The following DOCK7 variants were observed in gnomAD, a reference collection of about 807,000 sequenced individuals.
The protein encoded by DOCK7 is dedicator of cytokinesis protein 7.
A neutral mutation model predicts 271.0 loss-of-function variants in DOCK7; 138 were observed. That is an observed-to-expected ratio of 0.51 (90% CI 0.44 to 0.59). The LOEUF is 0.59. Ranked by LOEUF, DOCK7 falls within the 20% of genes least tolerant of loss-of-function variation. The probability of loss-of-function intolerance (pLI) is 0.00; values close to 1 mark genes in which losing one functional copy is unlikely to be tolerated. For missense variants in DOCK7, 2,066 were observed against 2,592.4 expected (o/e 0.80, Z 4.41); for synonymous variants, 823 against 876.1 (o/e 0.94, Z 1.07).
chr1:62,465,603 G>C (rs1015105519), intron 48 of DOCK7, among the ~76,000 whole-genome samples: 1 of 152,160 alleles, frequency 6.6e-6, no homozygotes, highest in Non-Finnish European at 1.5e-5. Flanking sequence ...CCAGGCTGCA[G>C]TGCAGTGGCA....
At chr1:62,584,693 G>T in intron 15 of DOCK7, 1 of 1,272,942 alleles carries the variant, frequency 7.9e-7, no homozygotes. Flanking sequence ...AATGTGACAG[G>T]AGTCAAGATA....
At chr1:62,504,891 G>A in intron 36 of DOCK7, 109 bp from the exon 37 acceptor site, 1 of 1,289,572 alleles carries the variant, frequency 7.8e-7, no homozygotes, top group Non-Finnish European at 1.0e-6. Flanking sequence ...GAAATTAAAA[G>A]AATGGTTAGG....
intron 2 of DOCK7, among the ~76,000 whole-genome samples, chr1:62,657,290 C>T (rs1389198843): frequency 6.6e-6 from 1 of 152,170 alleles, no homozygotes. Context: ...GGGAACCCTC[C>T]CTCCTGCTCA....
chr1:62,612,471 C>T (rs1285036492), intron 14 of DOCK7, among the ~76,000 whole-genome samples: 1 of 151,992 alleles, frequency 6.6e-6, no homozygotes, highest in Non-Finnish European at 1.5e-5. Flanking sequence ...GTACAGCAAA[C>T]CACCATGGCA....
At chr1:62,608,556 GA>G (rs1651336397) in intron 14 of DOCK7, 1 of 152,094 alleles carries the variant, frequency 6.6e-6, no homozygotes, top group African/African-American at 2.4e-5. Flanking sequence ...CACTTAGTGA[GA>G]AAATACACAG....
Position 62,648,448 on chromosome 1 carries a change from T to A in DOCK7, c.486A>T (p.Glu162Asp). The change falls in exon 5 of 50, where the codon GAA (glutamate) becomes GAT (aspartate). Residue 162 changes from glutamate (E) to aspartate (D), a missense_variant. Coordinates refer to ENST00000635253, the MANE Select transcript of DOCK7 (RefSeq NM_001367561.1). ...GLPKQVFESD[E>D]APDGNSYQDD... ...CCTGGTAGCTGTTGCCATCTGGAGC[T>A]TCATCAGATTCAAAAACTTGTTTTG... is the stretch of plus-strand genomic sequence containing the variant. The A allele has an allele frequency of 1.9e-6, 3 of 1,550,396 alleles. No individual in the cohort carries two copies. The highest frequency in any genetic ancestry group is 2.6e-6 in the Non-Finnish European group (3 of 1,146,716).
Position 62,492,854 on chromosome 1 carries a change from A to G in DOCK7, c.5218-7T>C. 6.2e-7 allele frequency: 1 copy of G among 1,601,284 alleles called. No individual in the cohort carries two copies. The highest frequency in any genetic ancestry group is 8.5e-7 in the Non-Finnish European group (1 of 1,175,644). ...AAACATTAGATGAAATATTCTAGGGAAAAAATATATTGAAAAGGTTTTTGA... is the reference window on the plus strand; with the variant it reads ...AAACATTAGATGAAATATTCTAGGGGAAAAATATATTGAAAAGGTTTTTGA... On this transcript the variant is annotated splice_polypyrimidine_tract_variant and splice_region_variant and intron_variant, in intron 40 of 49. Transcript: ENST00000635253.
Position 62,510,860 on chromosome 1 carries a change from G to A in DOCK7, c.4283-187C>T, listed in dbSNP as rs367566871. 255 of 497,052 alleles carry A rather than the reference G, an allele frequency of 5.1e-4. 1 individual carries two copies. The highest frequency in any genetic ancestry group is 4.1e-3 in the East Asian group (126 of 30,514). 30.8% of individuals were successfully genotyped at this position (497,052 alleles called of 1,614,324 possible). On this transcript the variant is annotated intron_variant, in intron 33 of 49. Coordinates refer to ENST00000635253, the MANE Select transcript of DOCK7 (RefSeq NM_001367561.1). Reference sequence around the variant, plus strand: ...TTTTCACAATAATTTCAGAAGAAATGTACTTGCTATATGCAGTATCTTTTC... The same window carrying A: ...TTTTCACAATAATTTCAGAAGAAATATACTTGCTATATGCAGTATCTTTTC...
chr1:62,530,463 T>G (rs542573291), intron 29 of DOCK7, among the ~76,000 whole-genome samples: 1 of 152,220 alleles, frequency 6.6e-6, no homozygotes, highest in East Asian at 1.9e-4. Context: ...TGAAAATACA[T>G]CATCACTTTA....
intron 14 of DOCK7, among the ~76,000 whole-genome samples, chr1:62,595,854 A>G (rs1182879858): frequency 6.6e-6 from 1 of 152,100 alleles, no homozygotes; most frequent in Non-Finnish European, 1.5e-5. Flanking sequence ...GCTCGAGCCC[A>G]GGAGTTCGTG....
At chr1:62,610,851 C>T (rs1651690980) in intron 14 of DOCK7, among the ~76,000 whole-genome samples, 1 of 152,126 alleles carries the variant, frequency 6.6e-6, no homozygotes, top group Non-Finnish European at 1.5e-5. Flanking sequence ...TTTTCTTCAT[C>T]CAGTCTATCA....
At chr1:62,493,481 C>G (rs766752702) in intron 40 of DOCK7, among the ~76,000 whole-genome samples, 48 of 152,134 alleles carry the variant, frequency 3.2e-4, no homozygotes, top group Non-Finnish European at 4.3e-4. Context: ...TAAGGCAACA[C>G]TCTTTTTAAA....
chr1:62,626,199 A>G (rs924194152), intron 11 of DOCK7, among the ~76,000 whole-genome samples: 2 of 152,176 alleles, frequency 1.3e-5, no homozygotes, highest in Admixed American at 6.5e-5. Flanking sequence ...ATGAAAATGC[A>G]AGAACAACAT....
intron 10 of DOCK7, 22 bp from the exon 11 acceptor site, chr1:62,631,427 A>G (rs773446840): frequency 1.5e-5 from 23 of 1,547,278 alleles, no homozygotes; most frequent in Non-Finnish European, 1.9e-5. Flanking sequence ...AACTTTATAC[A>G]TTATATGATT....
intron 18 of DOCK7, among the ~76,000 whole-genome samples, chr1:62,575,466 TTCCTCTA>T: frequency 1.3e-5 from 2 of 152,330 alleles, no homozygotes; most frequent in Middle Eastern, 6.8e-3. Context: ...AACATTTTCT[TTCCTCTA>T]TATCACTTTA....
chr1:62,553,315 TATATATATATATA>T (rs1645985949), intron 21 of DOCK7, among the ~76,000 whole-genome samples: 3 of 52,120 alleles, frequency 5.8e-5, no homozygotes, highest in African/African-American at 2.9e-4. Context: ...AAGTATTTTA[TATATATATATATA>T]TATATATATA....
At chr1:62,651,175 C>T (rs1377142522) in intron 4 of DOCK7, among the ~76,000 whole-genome samples, 1 of 151,442 alleles carries the variant, frequency 6.6e-6, no homozygotes, top group African/African-American at 2.4e-5. Flanking sequence ...AACCATCATT[C>T]TCAGCAAACT....
chr1:62,506,838 T>G (rs1646952114), intron 35 of DOCK7, among the ~76,000 whole-genome samples: 1 of 148,508 alleles, frequency 6.7e-6, no homozygotes, highest in Admixed American at 6.8e-5. Flanking sequence ...TCCCAGCTAC[T>G]TGGGAGGCTG....
rs1654863088 is a variant in DOCK7 at position 62,633,362 on chromosome 1, G to C, written c.1116+136C>G. ...GCAAACAGAAAAAAATATAGTACTA[G>C]TAAAATTCCTTAATATGCTTTGTTG... On this transcript the variant is annotated intron_variant, in intron 10 of 49. Coordinates refer to ENST00000635253, the MANE Select transcript of DOCK7 (RefSeq NM_001367561.1). 15 of 659,056 alleles carry C rather than the reference G, an allele frequency of 2.3e-5. No individual in the cohort carries two copies. In the South Asian group the frequency reaches 3.5e-4, roughly 15 times the overall value. The allele number at this position is 659,056 out of a possible 1,614,324, so 40.8% of individuals were successfully genotyped here.
Sources: gnomAD v4.1 joint callset for allele counts (sites outside exome capture counted in the v4.1 genomes callset) on GRCh38, gnomAD v4.1.1 for gene constraint, MANE v1.5 for transcripts, NCBI Gene and HGNC (gene_info 2026-07-23, HGNC 2026-07-21) for gene names.